CDH18: variants seen among roughly 807,000 people sequenced by gnomAD.
The protein encoded by CDH18 is cadherin-18.
CDH18 carries 31 observed loss-of-function variants against 67.9 expected under a neutral mutation model. The observed-to-expected ratio is 0.46, with a 90% CI of 0.34 to 0.62. CDH18 has a LOEUF of 0.62. CDH18 is among the 20% of genes least tolerant of loss of function. CDH18 has a pLI of 0.01. For missense variants in CDH18, 890 were observed against 975.5 expected, an observed-to-expected ratio of 0.91 and a Z score of 1.17; for synonymous variants, 362 against 347.2, an observed-to-expected ratio of 1.04 and a Z score of -0.48.
intron 1 of CDH18, among the ~76,000 whole-genome samples, chr5:20,273,250 T>C (rs887089155): frequency 6.6e-6 from 1 of 152,082 alleles, no homozygotes; most frequent in African/African-American, 2.4e-5. Context: ...ATGGTGCCTA[T>C]AAATATTATT....
chr5:19,722,410 A>G (rs1164048975), intron 4 of CDH18, among the ~76,000 whole-genome samples: 1 of 151,604 alleles, frequency 6.6e-6, no homozygotes, highest in Non-Finnish European at 1.5e-5. Flanking sequence ...CAGTGCCAAC[A>G]TCGCACTGGA....
intron 10 of CDH18, among the ~76,000 whole-genome samples, chr5:19,510,870 G>A (rs535861065): frequency 2.6e-5 from 4 of 151,296 alleles, no homozygotes; most frequent in African/African-American, 4.9e-5. Context: ...GGAGTGCAGT[G>A]GTGCAATTTC....
At chr5:19,811,537 A>G (rs1423798175) in intron 3 of CDH18, among the ~76,000 whole-genome samples, 1 of 149,778 alleles carries the variant, frequency 6.7e-6, no homozygotes, top group Non-Finnish European at 1.5e-5. Flanking sequence ...CCGTGAGACA[A>G]TAATAATATG....
At chr5:19,665,959 CTG>C (rs1757860397) in intron 5 of CDH18, among the ~76,000 whole-genome samples, 1 of 152,048 alleles carries the variant, frequency 6.6e-6, no homozygotes, top group East Asian at 1.9e-4. Context: ...GAGAAAAAGA[CTG>C]TATTCAAGTA....
chr5:19,571,058 G>A (rs1741295999), intron 8 of CDH18, among the ~76,000 whole-genome samples: 1 of 152,176 alleles, frequency 6.6e-6, no homozygotes. Flanking sequence ...ACTAGGTGCA[G>A]GCCACTTTGC....
At chr5:20,315,562 T>C (rs574235766) in intron 1 of CDH18, among the ~76,000 whole-genome samples, 1 of 152,232 alleles carries the variant, frequency 6.6e-6, no homozygotes, top group East Asian at 1.9e-4. Flanking sequence ...TTCTGCATCC[T>C]TTTTCGACTT....
chr5:19,844,997 C>T (rs1037008340), intron 2 of CDH18, among the ~76,000 whole-genome samples: 12 of 152,106 alleles, frequency 7.9e-5, no homozygotes, highest in Non-Finnish European at 1.3e-4. Flanking sequence ...ATATACTGTA[C>T]ATTACATGAA....
chr5:20,546,927 G>A (rs1314259958), intron 1 of CDH18, among the ~76,000 whole-genome samples: 1 of 152,120 alleles, frequency 6.6e-6, no homozygotes, highest in Admixed American at 6.5e-5. Context: ...ACCACTAGAA[G>A]TCAAGTGATA....
chr5:19,698,222 G>A (rs1160348967), intron 5 of CDH18, among the ~76,000 whole-genome samples: 1 of 152,164 alleles, frequency 6.6e-6, no homozygotes, highest in Admixed American at 6.6e-5. Context: ...GTTCTCCCCT[G>A]ATTTTAAGAT....
At chr5:20,453,573 A>G (rs1336979058) in intron 1 of CDH18, among the ~76,000 whole-genome samples, 9 of 150,748 alleles carry the variant, frequency 6.0e-5, no homozygotes, top group Non-Finnish European at 1.3e-4. Flanking sequence ...GTATATATAT[A>G]TGTGTGTGTG....
intron 3 of CDH18, among the ~76,000 whole-genome samples, chr5:19,785,284 A>C (rs1049785858): frequency 2.6e-5 from 4 of 151,982 alleles, no homozygotes; most frequent in Non-Finnish European, 4.4e-5. Flanking sequence ...CCATCACATA[A>C]TATTTTTCAG....
intron 5 of CDH18, among the ~76,000 whole-genome samples, chr5:19,693,895 GA>G (rs11357542): frequency 0.89 from 105,590 of 118,940 alleles, 46,963 homozygotes; most frequent in Middle Eastern, 0.96. Flanking sequence ...GACTCTGTCT[GA>G]AAAAAAAAAA....
chr5:19,512,684 G>A (rs75061637), intron 10 of CDH18, among the ~76,000 whole-genome samples: 39 of 151,998 alleles, frequency 2.6e-4, no homozygotes, highest in Admixed American at 1.1e-3. Context: ...GCATTGTCAC[G>A]GTTGTTGCTA....
chr5:19,946,332 A>G (rs1561608822), intron 2 of CDH18, among the ~76,000 whole-genome samples: 1 of 152,142 alleles, frequency 6.6e-6, no homozygotes. Context: ...CTCTCAGTAG[A>G]TCTACCATTA....
At chr5:19,672,797 A>T (rs1369240256) in intron 5 of CDH18, among the ~76,000 whole-genome samples, 3 of 151,998 alleles carry the variant, frequency 2.0e-5, no homozygotes, top group African/African-American at 7.2e-5. Flanking sequence ...TAAAAATACA[A>T]TTTTATTGTG....
At chr5:19,649,096 A>G (rs1230871177) in intron 5 of CDH18, among the ~76,000 whole-genome samples, 2 of 152,276 alleles carry the variant, frequency 1.3e-5, no homozygotes, top group South Asian at 4.1e-4. Context: ...TCAATTGCTC[A>G]GGCCTAACCA....
chr5:20,019,826 G>A (rs1428962404), intron 2 of CDH18, among the ~76,000 whole-genome samples: 4 of 152,152 alleles, frequency 2.6e-5, no homozygotes, highest in Admixed American at 6.5e-5. Flanking sequence ...TTTGGAACTG[G>A]GTAATGGGCA....
intron 1 of CDH18, among the ~76,000 whole-genome samples, chr5:20,315,074 A>T (rs1737343211): frequency 6.6e-6 from 1 of 152,082 alleles, no homozygotes; most frequent in Non-Finnish European, 1.5e-5. Flanking sequence ...TTATATGCAT[A>T]ATTATTTTTA....
intron 2 of CDH18, among the ~76,000 whole-genome samples, chr5:20,085,182 T>G (rs1326886110): frequency 6.6e-6 from 1 of 152,198 alleles, no homozygotes. Context: ...AAATTTCTTC[T>G]GCCAGATACC....
Sources: gnomAD v4.1 joint callset for allele counts (sites outside exome capture counted in the v4.1 genomes callset) on GRCh38, gnomAD v4.1.1 for gene constraint, MANE v1.5 for transcripts, NCBI Gene and HGNC (gene_info 2026-07-23, HGNC 2026-07-21) for gene names.